FUT8: variants seen among roughly 807,000 people sequenced by gnomAD.
FUT8 encodes the protein alpha-(1,6)-fucosyltransferase.
In FUT8, 29 loss-of-function variants were observed where a neutral mutation model predicts 71.3. The observed-to-expected ratio is 0.41, with a 90% CI of 0.30 to 0.55. FUT8 has a LOEUF of 0.55. Ranked by LOEUF, FUT8 falls within the 20% of genes least tolerant of loss-of-function variation. FUT8 has a pLI of 0.34. For synonymous variants in FUT8, 254 were observed against 239.3 expected, an observed-to-expected ratio of 1.06 and a Z score of -0.57; for missense variants, 544 against 702.1, an observed-to-expected ratio of 0.77 and a Z score of 2.55.
intron 1 of FUT8, among the ~76,000 whole-genome samples, chr14:65,418,784 T>C (rs2065253996): frequency 6.6e-6 from 1 of 152,208 alleles, no homozygotes; most frequent in African/African-American, 2.4e-5. Context: ...TACAGTATAC[T>C]TTTTTCCTTA....
At chr14:65,499,192 G>C (rs2066607166) in intron 2 of FUT8, among the ~76,000 whole-genome samples, 1 of 151,868 alleles carries the variant, frequency 6.6e-6, no homozygotes, top group African/African-American at 2.4e-5. Flanking sequence ...TGGGACTACA[G>C]ACACACACAC....
At chr14:65,431,361 G>A (rs942518104) in intron 1 of FUT8, among the ~76,000 whole-genome samples, 3 of 149,098 alleles carry the variant, frequency 2.0e-5, no homozygotes, top group African/African-American at 7.5e-5. Flanking sequence ...CCCAGACTAA[G>A]GGGAGTGGCG....
chr14:65,439,954 G>GTGTGTACATATATATATATA, intron 1 of FUT8, among the ~76,000 whole-genome samples: 2 of 74,974 alleles, frequency 2.7e-5, no homozygotes, highest in East Asian at 1.2e-3. Context: ...GTGTGTGTGT[G>GTGTGTACATATATATATATA]TATATATATA....
rs370778506 is a variant in FUT8, at chr14:65,526,053, G to A, written c.-227-35284G>A. On this transcript the variant is annotated intron_variant, in intron 2 of 10. Transcript: ENST00000673929. ...TGTATATTCTGTTGATTTGGGGTGG[G>A]GAGTTCTGTAGATGTCTATTAGGTC... Among the ~76,000 whole-genome samples, 13 of 152,136 alleles carry A rather than the reference G, an allele frequency of 8.5e-5. No individual in the cohort carries two copies. In the South Asian group the frequency reaches 1.7e-3, roughly 19 times the overall value.
intron 7 of FUT8, among the ~76,000 whole-genome samples, chr14:65,721,475 A>T (rs1895410267): frequency 6.6e-6 from 1 of 152,176 alleles, no homozygotes; most frequent in Non-Finnish European, 1.5e-5. Flanking sequence ...GTCTACTGTC[A>T]TTCTTTGATT....
chr14:65,634,811 C>T (rs916729482), intron 6 of FUT8, among the ~76,000 whole-genome samples: 7 of 152,104 alleles, frequency 4.6e-5, no homozygotes, highest in Admixed American at 2.0e-4. Flanking sequence ...TTTGACTATG[C>T]GGACTCTTTT....
At chr14:65,645,341 G>A (rs1241904979) in intron 6 of FUT8, among the ~76,000 whole-genome samples, 1 of 152,088 alleles carries the variant, frequency 6.6e-6, no homozygotes, top group Non-Finnish European at 1.5e-5. Context: ...CTATAATACT[G>A]TTTTCCCTTA....
chr14:65,571,596 A>C (rs1275279103), intron 3 of FUT8, among the ~76,000 whole-genome samples: 1 of 152,140 alleles, frequency 6.6e-6, no homozygotes, highest in African/African-American at 2.4e-5. Flanking sequence ...GAAGCATAGC[A>C]TCATATGTAT....
chr14:65,675,779 C>T (rs1041945754), intron 7 of FUT8, among the ~76,000 whole-genome samples: 1 of 151,700 alleles, frequency 6.6e-6, no homozygotes, highest in African/African-American at 2.4e-5. Flanking sequence ...TACCAGAGGT[C>T]AGAAGTTCAA....
intron 7 of FUT8, among the ~76,000 whole-genome samples, chr14:65,700,304 A>C (rs2140476838): frequency 6.7e-6 from 1 of 149,074 alleles, no homozygotes; most frequent in East Asian, 2.0e-4. Context: ...TGTGACAATT[A>C]GTTCTGTAAG....
At chr14:65,572,617 C>T (rs1001207335) in intron 3 of FUT8, among the ~76,000 whole-genome samples, 1 of 151,902 alleles carries the variant, frequency 6.6e-6, no homozygotes, top group East Asian at 1.9e-4. Flanking sequence ...GTAGACTAGA[C>T]CATAGACTAT....
intron 5 of FUT8, among the ~76,000 whole-genome samples, chr14:65,628,683 T>C (rs1194240094): frequency 6.6e-6 from 1 of 152,252 alleles, no homozygotes; most frequent in Non-Finnish European, 1.5e-5. Context: ...AAAGTTTCTC[T>C]TTTTAGTTTA....
chr14:65,442,881 A>G (rs2065682823), intron 1 of FUT8, among the ~76,000 whole-genome samples: 1 of 151,904 alleles, frequency 6.6e-6, no homozygotes, highest in African/African-American at 2.4e-5. Flanking sequence ...AGGAAACCTT[A>G]CTCATGCACC....
At chr14:65,405,828 A>G (rs1186619685), upstream of FUT8, among the ~76,000 whole-genome samples, 1 of 152,224 alleles carries the variant, frequency 6.6e-6, no homozygotes, top group East Asian at 1.9e-4. Context: ...CTTCTCCCAG[A>G]TTTTATATCT....
At chr14:65,383,022 TCTTA>T in the FUT8 span, among the ~76,000 whole-genome samples, 1 of 152,218 alleles carries the variant, frequency 6.6e-6, no homozygotes, top group South Asian at 2.1e-4. Flanking sequence ...TTGCCCTTTC[TCTTA>T]CTTAGTTGCC....
intron 2 of FUT8, among the ~76,000 whole-genome samples, chr14:65,537,522 G>A (rs898386325): frequency 6.6e-6 from 1 of 152,020 alleles, no homozygotes; most frequent in African/African-American, 2.4e-5. Flanking sequence ...TGAGTAGCTG[G>A]GACTACAGGC....
chr14:65,561,920 A>G (rs1399231594), intron 3 of FUT8, among the ~76,000 whole-genome samples, 154 bp downstream of exon 3: 4 of 152,172 alleles, frequency 2.6e-5, no homozygotes, highest in Non-Finnish European at 5.9e-5. Context: ...CTGTGTATTT[A>G]ATACAGAACA....
chr14:65,566,578 A>T (rs931724186), intron 3 of FUT8, among the ~76,000 whole-genome samples: 2 of 151,996 alleles, frequency 1.3e-5, no homozygotes, highest in Non-Finnish European at 2.9e-5. Context: ...TTAGATTTTC[A>T]GGTGGATTTG....
chr14:65,618,094 G>T (rs1889399718), intron 5 of FUT8, among the ~76,000 whole-genome samples: 1 of 141,368 alleles, frequency 7.1e-6, no homozygotes. Flanking sequence ...AGATGTGGAG[G>T]TCTTTCTATG....
Sources: gnomAD v4.1 joint callset for allele counts (sites outside exome capture counted in the v4.1 genomes callset) on GRCh38, gnomAD v4.1.1 for gene constraint, MANE v1.5 for transcripts, NCBI Gene and HGNC (gene_info 2026-07-23, HGNC 2026-07-21) for gene names.